Variants in PPP1R12A observed in about 807,000 individuals in gnomAD.
PPP1R12A encodes myosin binding subunit.
A neutral mutation model predicts 139.6 loss-of-function variants in PPP1R12A; 19 were observed. The observed-to-expected ratio is 0.14, with a 90% CI of 0.09 to 0.20. The LOEUF is 0.20. PPP1R12A is among the 10% of genes least tolerant of loss of function. PPP1R12A has a pLI of 1.00. For missense variants in PPP1R12A, 925 were observed against 1,211.5 expected (o/e 0.76, Z 3.51); for synonymous variants, 427 against 420.6 (o/e 1.02, Z -0.19).
Position 79,793,942 on chromosome 12 carries a change from GC to G in PPP1R12A, c.2584-15del. ...ATTTTCATCACTCTAAAAACAGATT[GC>G]CAATTTATATTTTAGGAAATTTTAG... On this transcript the variant is annotated splice_polypyrimidine_tract_variant and intron_variant, in intron 18 of 24. Coordinates refer to ENST00000450142, the MANE Select transcript of PPP1R12A (RefSeq NM_002480.3). 6.5e-7 allele frequency: 1 copy of G among 1,539,644 alleles called. No homozygotes were observed.
chr12:79,927,869 G>A (rs1887962163), intron 1 of PPP1R12A, among the ~76,000 whole-genome samples: 1 of 152,152 alleles, frequency 6.6e-6, no homozygotes, highest in Non-Finnish European at 1.5e-5. Flanking sequence ...ATACCAAAAT[G>A]CCAATACCTC....
intron 1 of PPP1R12A, among the ~76,000 whole-genome samples, chr12:79,931,574 T>C (rs1357629666): frequency 1.3e-5 from 2 of 152,184 alleles, no homozygotes; most frequent in African/African-American, 2.4e-5. Flanking sequence ...GCATTCTATA[T>C]ATAACTTTAT....
chr12:79,894,989 A>G (rs1324676353), intron 1 of PPP1R12A, among the ~76,000 whole-genome samples: 1 of 152,204 alleles, frequency 6.6e-6, no homozygotes. Flanking sequence ...GCCTAAAATA[A>G]GAGTACAAAA....
chr12:79,817,256 CAT>C (rs753736809), intron 9 of PPP1R12A, 136 bp downstream of exon 9: 5 of 787,082 alleles, frequency 6.4e-6, no homozygotes, highest in South Asian at 4.9e-5. Context: ...AACTGAGAAA[CAT>C]AAATACATAT....
chr12:79,783,276 G>A (rs1208739072), intron 22 of PPP1R12A, among the ~76,000 whole-genome samples: 12 of 143,972 alleles, frequency 8.3e-5, no homozygotes, highest in Non-Finnish European at 1.5e-4. Flanking sequence ...TGGGCAACAC[G>A]GTGAAACCCC....
chr12:79,919,960 C>T (rs941389452), intron 1 of PPP1R12A, among the ~76,000 whole-genome samples: 1 of 152,236 alleles, frequency 6.6e-6, no homozygotes, highest in Non-Finnish European at 1.5e-5. Context: ...AGTTGTGCAA[C>T]TGTCAGCACA....
chr12:79,868,335 T>C (rs1294785914), intron 2 of PPP1R12A, among the ~76,000 whole-genome samples: 1 of 152,210 alleles, frequency 6.6e-6, no homozygotes, highest in Non-Finnish European at 1.5e-5. Flanking sequence ...ATTTCATTTT[T>C]GATCCATAGC....
At chr12:79,886,299 G>A (rs564541336) in intron 1 of PPP1R12A, among the ~76,000 whole-genome samples, 9 of 152,256 alleles carry the variant, frequency 5.9e-5, no homozygotes, top group African/African-American at 2.2e-4. Flanking sequence ...TCTTGCATTA[G>A]AATACTGGCA....
At chr12:79,914,712 G>A (rs1042777881) in intron 1 of PPP1R12A, among the ~76,000 whole-genome samples, 19 of 152,134 alleles carry the variant, frequency 1.2e-4, no homozygotes, top group African/African-American at 4.6e-4. Flanking sequence ...ACCTGAGATG[G>A]ATCATTTGGT....
chr12:79,783,144 G>T (rs1463374611), intron 22 of PPP1R12A, among the ~76,000 whole-genome samples: 2 of 151,938 alleles, frequency 1.3e-5, no homozygotes, highest in Admixed American at 1.3e-4. Flanking sequence ...ATTGGTTCTT[G>T]TGAGAAATTC....
rs546214174 is a variant in PPP1R12A, at chr12:79,843,267, T to C, written c.487+2035A>G. ...GTACAAATTATTCAATTTCAAAGAG[T>C]TGAGTTGTTTTAAATTCTTTTGGGT... On this transcript the variant is annotated intron_variant, in intron 3 of 24. Transcript: ENST00000450142. 2.6e-5 allele frequency among the ~76,000 whole-genome samples: 4 copies of C among 152,112 alleles called. No individual in the cohort carries two copies. The South Asian group carries it at 6.2e-4, about 24-fold the overall frequency.
At chr12:79,840,332 T>C (rs1878562392) in intron 3 of PPP1R12A, among the ~76,000 whole-genome samples, 1 of 152,246 alleles carries the variant, frequency 6.6e-6, no homozygotes, top group African/African-American at 2.4e-5. Flanking sequence ...TTACTACTAT[T>C]ATCATTGTTA....
intron 1 of PPP1R12A, among the ~76,000 whole-genome samples, chr12:79,927,371 C>T (rs954592581): frequency 2.0e-5 from 3 of 152,170 alleles, no homozygotes; most frequent in Admixed American, 6.5e-5. Context: ...ATAATCTTGG[C>T]ACTTCCTAAA....
chr12:79,806,374 G>A (rs1296424207), intron 12 of PPP1R12A, 41 bp from the exon 13 acceptor site: 5 of 1,550,842 alleles, frequency 3.2e-6, no homozygotes, highest in African/African-American at 2.7e-5. Context: ...GTGTTTGTAT[G>A]TGTATTCTAT....
At chr12:79,842,011 GT>G (rs35117494) in intron 3 of PPP1R12A, among the ~76,000 whole-genome samples, 24 of 149,784 alleles carry the variant, frequency 1.6e-4, no homozygotes, top group East Asian at 5.9e-4. Context: ...GCTTAAGATA[GT>G]TTTTTTTTTA....
chr12:79,810,247 A>T (rs559602817), intron 9 of PPP1R12A, among the ~76,000 whole-genome samples: 3 of 152,326 alleles, frequency 2.0e-5, no homozygotes, highest in Admixed American at 1.3e-4. Flanking sequence ...TACACACTTT[A>T]TATCACACAG....
At chr12:79,781,918 C>T in intron 22 of PPP1R12A, 56 bp from the exon 23 acceptor site, 2 of 1,020,496 alleles carry the variant, frequency 2.0e-6, no homozygotes, top group Non-Finnish European at 2.9e-6. Flanking sequence ...TCAGGGGTGA[C>T]CACAGTAATT....
At chr12:79,905,654 A>G (rs2137497557) in intron 1 of PPP1R12A, among the ~76,000 whole-genome samples, 1 of 152,268 alleles carries the variant, frequency 6.6e-6, no homozygotes, top group East Asian at 1.9e-4. Flanking sequence ...CCAATTACGC[A>G]TATTTTTATT....
At chr12:79,811,105 T>C (rs1874470222) in intron 9 of PPP1R12A, among the ~76,000 whole-genome samples, 1 of 152,216 alleles carries the variant, frequency 6.6e-6, no homozygotes, top group South Asian at 2.1e-4. Context: ...GATTGGTGAA[T>C]ACAGCAACTA....
Sources: gnomAD v4.1 joint callset for allele counts (sites outside exome capture counted in the v4.1 genomes callset) on GRCh38, gnomAD v4.1.1 for gene constraint, MANE v1.5 for transcripts, NCBI Gene and HGNC (gene_info 2026-07-23, HGNC 2026-07-21) for gene names.